The following MAGI3 variants were observed in gnomAD, a reference collection of about 807,000 sequenced individuals.
The protein encoded by MAGI3 is membrane associated guanylate kinase, WW and PDZ domain containing 3, also known as membrane-associated guanylate kinase, WW and PDZ domain-containing protein 3.
A neutral mutation model predicts 121.8 loss-of-function variants in MAGI3; 43 were observed. The ratio of observed to expected loss-of-function variants is 0.35; its 90% CI spans 0.28 to 0.46. The LOEUF is 0.46. Ranked by LOEUF, MAGI3 falls within the 20% of genes least tolerant of loss-of-function variation. The probability of loss-of-function intolerance (pLI) is 1.00; values close to 1 mark genes in which losing one functional copy is unlikely to be tolerated. For missense variants in MAGI3, 1,547 were observed against 1,797.3 expected, an observed-to-expected ratio of 0.86 and a Z score of 2.52; for synonymous variants, 553 against 639.3, an observed-to-expected ratio of 0.86 and a Z score of 2.04.
intron 1 of MAGI3, among the ~76,000 whole-genome samples, chr1:113,480,242 C>T (rs1177270543): frequency 6.6e-6 from 1 of 152,198 alleles, no homozygotes; most frequent in African/African-American, 2.4e-5. Context: ...TACTGACTAG[C>T]TTTGGCAGGG....
intron 1 of MAGI3, among the ~76,000 whole-genome samples, chr1:113,459,423 C>T (rs1032539020): frequency 2.0e-5 from 3 of 152,184 alleles, no homozygotes; most frequent in African/African-American, 7.2e-5. Flanking sequence ...ATTCTTTTAA[C>T]TAAATGGGAT....
chr1:113,488,324 C>T (rs971647178), intron 1 of MAGI3, among the ~76,000 whole-genome samples: 1 of 152,188 alleles, frequency 6.6e-6, no homozygotes, highest in Non-Finnish European at 1.5e-5. Flanking sequence ...CAACTTGCTC[C>T]TATAGGAGTC....
At chr1:113,554,113 C>T (rs1425578054) in intron 2 of MAGI3, among the ~76,000 whole-genome samples, 1 of 152,006 alleles carries the variant, frequency 6.6e-6, no homozygotes. Context: ...CTGCAAAAAG[C>T]AGGAAAATGT....
intron 16 of MAGI3, among the ~76,000 whole-genome samples, chr1:113,670,053 C>CCCTT (rs1647445638): frequency 1.3e-5 from 2 of 151,914 alleles, no homozygotes; most frequent in Admixed American, 1.3e-4. Flanking sequence ...CTCCCACCCT[C>CCCTT]CCTTCCTGGA....
At chr1:113,527,402 A>T (rs1658501814) in intron 1 of MAGI3, among the ~76,000 whole-genome samples, 1 of 152,234 alleles carries the variant, frequency 6.6e-6, no homozygotes, top group African/African-American at 2.4e-5. Context: ...GGTGATAATT[A>T]AGCTGTGGAA....
chr1:113,639,904 C>T (rs1446480592), intron 9 of MAGI3, among the ~76,000 whole-genome samples: 1 of 152,094 alleles, frequency 6.6e-6, no homozygotes, highest in African/African-American at 2.4e-5. Flanking sequence ...GGGGTTTCGC[C>T]ATGTTAGCCA....
At chr1:113,456,454 T>C (rs900897392) in intron 1 of MAGI3, among the ~76,000 whole-genome samples, 1 of 152,190 alleles carries the variant, frequency 6.6e-6, no homozygotes, top group Admixed American at 6.5e-5. Flanking sequence ...TTTATTTCAA[T>C]CTCAAATTTG....
At chr1:113,535,571 T>A (rs1658934343) in intron 1 of MAGI3, among the ~76,000 whole-genome samples, 1 of 152,324 alleles carries the variant, frequency 6.6e-6, no homozygotes, top group Non-Finnish European at 1.5e-5. Context: ...CACATTTTTT[T>A]ACATTTGTAT....
chr1:113,639,270 A>G (rs1488157902), intron 9 of MAGI3, among the ~76,000 whole-genome samples: 2 of 152,226 alleles, frequency 1.3e-5, no homozygotes, highest in African/African-American at 4.8e-5. Flanking sequence ...GGCACTCCCT[A>G]GTGAGATGAA....
At chr1:113,609,163 C>T (rs1649972841) in intron 6 of MAGI3, among the ~76,000 whole-genome samples, 1 of 152,124 alleles carries the variant, frequency 6.6e-6, no homozygotes, top group Non-Finnish European at 1.5e-5. Context: ...TTTGTCTCCC[C>T]ACGTAATAGC....
chr1:113,547,220 A>T (rs567361596), intron 1 of MAGI3, among the ~76,000 whole-genome samples: 130 of 152,252 alleles, frequency 8.5e-4, no homozygotes, highest in African/African-American at 3.1e-3. Context: ...TATAGATTAA[A>T]ATGCAATCTG....
At chr1:113,596,259 G>A (rs918185070) in intron 6 of MAGI3, among the ~76,000 whole-genome samples, 4 of 152,136 alleles carry the variant, frequency 2.6e-5, no homozygotes, top group African/African-American at 9.7e-5. Flanking sequence ...CATGTATGTA[G>A]TCACTTTATT....
intron 13 of MAGI3, among the ~76,000 whole-genome samples, chr1:113,649,654 C>A (rs1230142908): frequency 6.6e-6 from 1 of 152,180 alleles, no homozygotes; most frequent in South Asian, 2.1e-4. Flanking sequence ...TTTTCCTTCT[C>A]TAAGAAGCCT....
chr1:113,575,767 T>A (rs550210331), intron 2 of MAGI3, among the ~76,000 whole-genome samples: 2 of 152,278 alleles, frequency 1.3e-5, no homozygotes, highest in East Asian at 3.9e-4. Flanking sequence ...CAGGAACATT[T>A]AAGTTACTGA....
intron 2 of MAGI3, among the ~76,000 whole-genome samples, chr1:113,568,938 C>T (rs1041791870): frequency 1.3e-5 from 2 of 152,018 alleles, no homozygotes; most frequent in Non-Finnish European, 2.9e-5. Context: ...ATACATTTGA[C>T]TACATTAAAA....
At chr1:113,406,079 G>T (rs1316945626) in intron 1 of MAGI3, among the ~76,000 whole-genome samples, 2 of 151,752 alleles carry the variant, frequency 1.3e-5, no homozygotes, top group Non-Finnish European at 2.9e-5. Context: ...TGGTGCCCTT[G>T]TTTTAGAGAT....
chr1:113,634,323 C>A (rs927185671), intron 9 of MAGI3, among the ~76,000 whole-genome samples: 3 of 152,010 alleles, frequency 2.0e-5, no homozygotes, highest in Non-Finnish European at 4.4e-5. Flanking sequence ...TGCCTATGTC[C>A]TGAATGGTAA....
At chr1:113,451,698 G>A (rs1288219372) in intron 1 of MAGI3, among the ~76,000 whole-genome samples, 2 of 152,018 alleles carry the variant, frequency 1.3e-5, no homozygotes, top group African/African-American at 2.4e-5. Flanking sequence ...TGGGGAACAC[G>A]GCATTAAGAA....
At chr1:113,401,242 C>T (rs1019341169) in intron 1 of MAGI3, among the ~76,000 whole-genome samples, 8 of 151,850 alleles carry the variant, frequency 5.3e-5, no homozygotes, top group Admixed American at 4.6e-4. Flanking sequence ...TCATTATATC[C>T]AAAAAACCTG....
Sources: gnomAD v4.1 joint callset for allele counts (sites outside exome capture counted in the v4.1 genomes callset) on GRCh38, gnomAD v4.1.1 for gene constraint, MANE v1.5 for transcripts, NCBI Gene and HGNC (gene_info 2026-07-23, HGNC 2026-07-21) for gene names.